Variants in ZNF699 observed in about 807,000 individuals in gnomAD.
The protein encoded by ZNF699 is hangover homolog.
In ZNF699, 18 loss-of-function variants were observed where a neutral mutation model predicts 22.5. The observed-to-expected ratio is 0.80, with a 90% CI of 0.55 to 1.19. ZNF699 has a LOEUF of 1.19. Ranked by LOEUF, ZNF699 falls within the 50% of genes most tolerant of loss-of-function variation. The pLI is 0.00. For synonymous variants in ZNF699, 241 were observed against 262.3 expected (o/e 0.92, Z 0.78); for missense variants, 670 against 763.4 (o/e 0.88, Z 1.44).
In ZNF699 at chr19:9,297,466, T is replaced by G. The variant is rs1010114699; in HGVS notation, c.300A>C (p.Gln100His). 6.4e-7 allele frequency: 1 copy of G among 1,568,390 alleles called. No individual in the cohort carries two copies. The highest frequency in any genetic ancestry group is 1.4e-5 in the African/African-American group (1 of 71,998). Residue 100 changes from glutamine (Q) to histidine (H), a missense_variant, in exon 5 of 6, where the codon CAA (glutamine) becomes CAC (histidine). Transcript: ENST00000591998. The surrounding 1 kb of genome is among the most constrained non-coding windows in gnomAD (Gnocchi z 4.3). ...AAGCAACTGATTCATTAGTTTTAAG[T>G]TGAGTCTCAAAACCTGAAACGAAAA... is the stretch of plus-strand genomic sequence containing the variant. ...MGEHREGFETQLKTNESVASQ... is the reference protein window; with the variant it reads ...MGEHREGFETHLKTNESVASQ...
In ZNF699 at chr19:9,295,560, T is replaced by C; in HGVS notation, c.1844A>G (p.Tyr615Cys). 1 of 1,614,176 alleles carries C rather than the reference T, an allele frequency of 6.2e-7. No individual in the cohort carries two copies. Among genetic ancestry groups the C allele is most frequent in the Non-Finnish European group, 8.5e-7 (1 of 1,180,012 alleles). ...HVRSHTGEKPYECKECGKAFV... is the reference protein window; with the variant it reads ...HVRSHTGEKPCECKECGKAFV... ...GGCTTTCCCACATTCCTTACATTCA[T>C]AGGGTTTCTCTCCAGTGTGGCTTCT... The change falls in exon 6 of 6, where the codon TAT (tyrosine) becomes TGT (cysteine). Residue 615 changes from tyrosine to cysteine, a missense_variant. Coordinates refer to ENST00000591998, the MANE Select transcript of ZNF699 (RefSeq NM_198535.3).
intron 1 of ZNF699, among the ~76,000 whole-genome samples, chr19:9,306,988 G>T (rs1180008018): frequency 6.6e-6 from 1 of 152,158 alleles, no homozygotes; most frequent in Non-Finnish European, 1.5e-5. Flanking sequence ...ATCACATGAG[G>T]TCAGGAGTTC....
At position 9,296,486 on chromosome 19, in the gene ZNF699, A is replaced by C; in HGVS notation, c.918T>G (p.Pro306=). The C allele has an allele frequency of 3.1e-6, 5 of 1,608,862 alleles. No individual in the cohort carries two copies. The East Asian group carries it at 1.1e-4, about 36-fold the overall frequency. ...CCTTCCCACATTCCTTACATTCATA[A>C]GGCTTATCTCCACTGTGAATTCTTT... ...EHKRIHSGDK[P]YECKECGKAF... is the part of the protein sequence containing the mutation. Residue 306 remains proline, a synonymous_variant, in exon 6 of 6, where the codon CCT becomes CCG. Transcript: ENST00000591998.
chr19:9,298,037 A>C lies in ZNF699; in HGVS notation c.176-47T>G, dbSNP rs370019455. The C allele has an allele frequency of 1.5e-4, 192 of 1,288,464 alleles. 1 individual carries two copies. The highest frequency in any genetic ancestry group is 5.6e-4 in the Middle Eastern group (3 of 5,404). 79.8% of individuals were successfully genotyped at this position (1,288,464 alleles called of 1,614,324 possible). A position where few individuals can be genotyped will look rare whatever the true frequency, so the allele number is the denominator to read the frequency against. On this transcript the variant is annotated intron_variant, in intron 3 of 5. Coordinates refer to ENST00000591998, the MANE Select transcript of ZNF699 (RefSeq NM_198535.3). ...TCACGAGGGAAAATAATGAAGAATC[A>C]CTAACATTTCCATGAAACAGAAACA...
In ZNF699 at chr19:9,297,495, G is replaced by A; in HGVS notation, c.287-16C>T. ...GTCTCAAAACCTGAAACGAAAAAAA[G>A]TGAAAGCTTCCATGAGCCAAGGACT... is the stretch of plus-strand genomic sequence containing the variant. On this transcript the variant is annotated splice_polypyrimidine_tract_variant and intron_variant, in intron 4 of 5. Transcript: ENST00000591998. The surrounding 1 kb of genome is among the most constrained non-coding windows in gnomAD (Gnocchi z 4.3). 1 of 1,545,710 alleles carries A rather than the reference G, an allele frequency of 6.5e-7. No homozygotes were observed. Among genetic ancestry groups the A allele is most frequent in the Non-Finnish European group, 8.6e-7 (1 of 1,156,594 alleles).
chr19:9,300,244 CT>C (rs979593756), intron 3 of ZNF699, among the ~76,000 whole-genome samples: 32 of 152,238 alleles, frequency 2.1e-4, no homozygotes, highest in African/African-American at 7.0e-4. Context: ...ACACACCCGG[CT>C]AATTTTTTGT....
Position 9,295,554 on chromosome 19 carries a change from C to G in ZNF699, c.1850G>C (p.Cys617Ser). Residue 617 changes from cysteine (C) to serine (S), a missense_variant, in exon 6 of 6, where the codon TGT becomes TCT. Physicochemically the swap from Cys to Ser is moderately radical, Grantham distance 112. Transcript: ENST00000591998. ...AACAAAGGCTTTCCCACATTCCTTA[C>G]ATTCATAGGGTTTCTCTCCAGTGTG... is the stretch of plus-strand genomic sequence containing the variant. ...RSHTGEKPYE[C>S]KECGKAFVCP... The G allele has an allele frequency of 6.2e-7, 1 of 1,614,168 alleles. No individual in the cohort carries two copies. The highest frequency in any genetic ancestry group is 2.2e-5 in the East Asian group (1 of 44,886).
Position 9,296,521 on chromosome 19 carries a change from T to C in ZNF699, c.883A>G (p.Thr295Ala), listed in dbSNP as rs1568344927. ...CCACTGTGAATTCTTTTGTGTTCTG[T>C]GAGCGATGAGGAACAACTAAAACCT... ...GKGFSCSSSL[T>A]EHKRIHSGDK... Residue 295 changes from threonine to alanine, a missense_variant, in exon 6 of 6, where the codon ACA becomes GCA. Coordinates refer to ENST00000591998, the MANE Select transcript of ZNF699 (RefSeq NM_198535.3). 10 of 1,614,080 alleles carry C rather than the reference T, an allele frequency of 6.2e-6. No homozygotes were observed. Among genetic ancestry groups the C allele is most frequent in the African/African-American group, 1.3e-5 (1 of 74,928 alleles).
At position 9,309,584 on chromosome 19, in the gene ZNF699, G is replaced by A. The variant is rs1409910746; in HGVS notation, c.-240C>T. On this transcript the variant is annotated 5_prime_UTR_variant, in exon 1 of 6. Coordinates refer to ENST00000591998, the MANE Select transcript of ZNF699 (RefSeq NM_198535.3). ...GAGTTTGGGACCAGCCGCGGCCACAGGGGCAGCTGACCCGGGCTCTCTGAG... is the reference window on the plus strand; with the variant it reads ...GAGTTTGGGACCAGCCGCGGCCACAAGGGCAGCTGACCCGGGCTCTCTGAG... 1 of 152,396 alleles carries A rather than the reference G, an allele frequency of 6.6e-6. No homozygotes were observed. The highest frequency in any genetic ancestry group is 2.4e-5 in the African/African-American group (1 of 41,468). 9.4% of individuals were successfully genotyped at this position (152,396 alleles called of 1,614,324 possible).
chr19:9,304,128 T>G (rs2066318400), intron 2 of ZNF699, among the ~76,000 whole-genome samples: 1 of 152,068 alleles, frequency 6.6e-6, no homozygotes, highest in South Asian at 2.1e-4. Flanking sequence ...GCCCCAAATA[T>G]GTATTTCACA....
chr19:9,304,820 G>A (rs922019589), intron 2 of ZNF699, among the ~76,000 whole-genome samples: 1 of 151,966 alleles, frequency 6.6e-6, no homozygotes, highest in South Asian at 2.1e-4. Context: ...CCACTCGGGA[G>A]GCTGAGGCAG....
chr19:9,301,764 G>A (rs551705722), intron 3 of ZNF699, among the ~76,000 whole-genome samples: 1 of 152,174 alleles, frequency 6.6e-6, no homozygotes, highest in Admixed American at 6.5e-5. Context: ...TCCTCAAAAT[G>A]TTCAAACTAC....
At chr19:9,303,878 C>T (rs867574735) in intron 2 of ZNF699, among the ~76,000 whole-genome samples, 14 of 150,954 alleles carry the variant, frequency 9.3e-5, no homozygotes, top group Non-Finnish European at 1.9e-4. Flanking sequence ...AGTGCAGTGG[C>T]GCGATCTCGG....
intron 3 of ZNF699, among the ~76,000 whole-genome samples, chr19:9,301,500 G>A (rs1464557988): frequency 5.9e-5 from 9 of 152,108 alleles, no homozygotes; most frequent in Non-Finnish European, 1.2e-4. Flanking sequence ...AAAAATTTCC[G>A]TTGTTTTTAG....
Position 9,296,424 on chromosome 19 carries a change from C to A in ZNF699, c.980G>T (p.Arg327Ile), listed in dbSNP as rs749415131. ...SCSSSLSKHK[R>I]IHSGDKPYEC... is the part of the protein sequence containing the mutation. ...ATATGGCTTATCTCCACTGTGAATT[C>A]TTTTGTGTTTGGAGAGTGAGGAGGA... The change falls in exon 6 of 6, where the codon AGA becomes ATA. Residue 327 changes from arginine (R) to isoleucine (I), a missense_variant. Physicochemically the swap from Arg to Ile is moderately conservative, Grantham distance 97. Transcript: ENST00000591998. The A allele has an allele frequency of 6.2e-7, 1 of 1,614,076 alleles. No individual in the cohort carries two copies. Among genetic ancestry groups the A allele is most frequent in the Non-Finnish European group, 8.5e-7 (1 of 1,180,002 alleles).
chr19:9,306,807 C>T (rs2066329307), intron 1 of ZNF699, among the ~76,000 whole-genome samples: 1 of 152,286 alleles, frequency 6.6e-6, no homozygotes, highest in Non-Finnish European at 1.5e-5. Context: ...GAACACATAC[C>T]TTAAATTTTA....
At position 9,295,282 on chromosome 19, in the gene ZNF699, A is replaced by G. The variant is rs2066280058; in HGVS notation, c.*193T>C. The G allele has an allele frequency of 3.2e-6, 2 of 617,216 alleles. No homozygotes were observed. Among genetic ancestry groups the G allele is most frequent in the African/African-American group, 3.7e-5 (2 of 54,284 alleles). 38.2% of individuals were successfully genotyped at this position (617,216 alleles called of 1,614,324 possible). On this transcript the variant is annotated 3_prime_UTR_variant, in exon 6 of 6. Coordinates refer to ENST00000591998, the MANE Select transcript of ZNF699 (RefSeq NM_198535.3). ...ATTTCTAGTAGAGATTTTCTTATAC[A>G]TAATAAGCAATGTTCATAAAGGCTT...
In ZNF699 at chr19:9,295,402, T is replaced by C; in HGVS notation, c.*73A>G. ...TTCCTACTTTCTTACATTCATAGGG[T>C]GTCTCCACAGTATGAGATCTCACAT... On this transcript the variant is annotated 3_prime_UTR_variant, in exon 6 of 6. Coordinates refer to ENST00000591998, the MANE Select transcript of ZNF699 (RefSeq NM_198535.3). The C allele has an allele frequency of 6.6e-7, 1 of 1,506,044 alleles. No homozygotes were observed. The highest frequency in any genetic ancestry group is 8.8e-7 in the Non-Finnish European group (1 of 1,130,026). The allele number at this position is 1,506,044 out of a possible 1,614,324, so 93.3% of individuals were successfully genotyped here.
In ZNF699 at chr19:9,295,409, A is replaced by G; in HGVS notation, c.*66T>C. On this transcript the variant is annotated 3_prime_UTR_variant, in exon 6 of 6. Coordinates refer to ENST00000591998, the MANE Select transcript of ZNF699 (RefSeq NM_198535.3). ...TTTCTTACATTCATAGGGTGTCTCCACAGTATGAGATCTCACATGTTGCCT... is the reference window on the plus strand; with the variant it reads ...TTTCTTACATTCATAGGGTGTCTCCGCAGTATGAGATCTCACATGTTGCCT... 1.3e-6 allele frequency: 2 copies of G among 1,518,314 alleles called. No homozygotes were observed. Among genetic ancestry groups the G allele is most frequent in the Admixed American group, 2.1e-5 (1 of 46,706 alleles). 94.1% of individuals were successfully genotyped at this position (1,518,314 alleles called of 1,614,324 possible). A position where few individuals can be genotyped will look rare whatever the true frequency, so the allele number is the denominator to read the frequency against.
Sources: allele counts gnomAD v4.1 joint callset (sites outside exome capture counted in the v4.1 genomes callset), GRCh38; gene constraint gnomAD v4.1.1; non-coding constraint Gnocchi (gnomAD v3.1); transcripts MANE v1.5; gene names NCBI Gene and HGNC (gene_info 2026-07-23, HGNC 2026-07-21).